PDE10A: variants seen among roughly 807,000 people sequenced by gnomAD.
PDE10A encodes phosphodiesterase 10A.
Under a neutral mutation model 97.7 loss-of-function variants are expected in PDE10A, and 39 were observed. That is an observed-to-expected ratio of 0.40 (90% CI 0.31 to 0.52). The LOEUF is 0.52. Ranked by LOEUF, PDE10A falls within the 20% of genes least tolerant of loss-of-function variation. PDE10A has a pLI of 0.56. For synonymous variants in PDE10A, 371 were observed against 376.8 expected (o/e 0.98, Z 0.18); for missense variants, 731 against 1,047.8 (o/e 0.70, Z 4.17).
intron 1 of PDE10A, among the ~76,000 whole-genome samples, chr6:165,791,056 C>T (rs531547558): frequency 1.8e-4 from 27 of 152,140 alleles, no homozygotes; most frequent in Non-Finnish European, 3.2e-4. Flanking sequence ...GCAATCCTCC[C>T]GCCTCAGCTT....
intron 1 of PDE10A, among the ~76,000 whole-genome samples, chr6:165,918,264 T>C (rs990921834): frequency 1.3e-4 from 20 of 152,218 alleles, no homozygotes; most frequent in African/African-American, 4.6e-4. Context: ...AATTTTCATA[T>C]GTGCCCTCCC....
chr6:165,904,380 A>T (rs760601197), intron 1 of PDE10A, among the ~76,000 whole-genome samples: 2 of 152,178 alleles, frequency 1.3e-5, no homozygotes, highest in African/African-American at 2.4e-5. Flanking sequence ...TCTATGATTG[A>T]TCTTATTTTT....
intron 1 of PDE10A, among the ~76,000 whole-genome samples, chr6:165,809,935 G>T (rs1003780884): frequency 1.3e-5 from 2 of 152,170 alleles, no homozygotes; most frequent in African/African-American, 4.8e-5. Context: ...ATCTTTCCTT[G>T]TATGATAAAT....
intron 13 of PDE10A, among the ~76,000 whole-genome samples, chr6:165,408,566 A>G (rs920475571): frequency 6.6e-6 from 1 of 152,182 alleles, no homozygotes; most frequent in African/African-American, 2.4e-5. Flanking sequence ...ACGCGATGCT[A>G]TCTTATTGAA....
In PDE10A at chr6:165,330,256, T is replaced by G. The variant is rs1452520060; in HGVS notation, c.*2769A>C. On this transcript the variant is annotated 3_prime_UTR_variant, in exon 22 of 22. Coordinates refer to ENST00000539869, the MANE Select transcript of PDE10A (RefSeq NM_001385079.1). ...GGCACAATACACAATACGACCTTAA[T>G]AGGAACTCATCAAAGCTGTTGTTAG... 3 of 152,152 alleles carry G rather than the reference T, an allele frequency of 2.0e-5. No homozygotes were observed. Among genetic ancestry groups the G allele is most frequent in the Admixed American group, 2.0e-4 (3 of 15,276 alleles). 9.4% of individuals were successfully genotyped at this position (152,152 alleles called of 1,614,324 possible). A position where few individuals can be genotyped will look rare whatever the true frequency, so the allele number is the denominator to read the frequency against.
intron 1 of PDE10A, among the ~76,000 whole-genome samples, chr6:165,960,858 G>A (rs1442905884): frequency 6.6e-6 from 1 of 152,184 alleles, no homozygotes; most frequent in Non-Finnish European, 1.5e-5. Context: ...CCAGAAGACA[G>A]ATGGGCAGGG....
At chr6:165,983,591 G>T (rs1018758711) in intron 1 of PDE10A, among the ~76,000 whole-genome samples, 2 of 152,092 alleles carry the variant, frequency 1.3e-5, no homozygotes, top group African/African-American at 4.8e-5. Context: ...ATTTCCAGTC[G>T]CCTTCATTTC....
intron 1 of PDE10A, among the ~76,000 whole-genome samples, chr6:165,700,579 T>C (rs1582953462): frequency 6.6e-6 from 1 of 152,308 alleles, no homozygotes; most frequent in East Asian, 1.9e-4. Context: ...GCAGGTAATG[T>C]TATATAAAAT....
upstream of PDE10A, chr6:165,987,976 CGTGTGTGTGT>C (rs149079607): frequency 8.2e-6 from 3 of 367,164 alleles, no homozygotes; most frequent in African/African-American, 6.4e-5. Flanking sequence ...TGTGTGCGTG[CGTGTGTGTGT>C]GTGTGTGTGT....
intron 1 of PDE10A, among the ~76,000 whole-genome samples, chr6:165,852,103 C>G (rs1391193096): frequency 6.6e-6 from 1 of 152,122 alleles, no homozygotes; most frequent in African/African-American, 2.4e-5. Flanking sequence ...CCCCCTTTCT[C>G]TTTTTTCTAC....
rs1303988578 is a variant in PDE10A, at chr6:165,819,549, A to G, written c.-615+167980T>C. 2.0e-5 allele frequency among the ~76,000 whole-genome samples: 3 copies of G among 151,924 alleles called. No homozygotes were observed. The highest frequency in any genetic ancestry group is 4.2e-4 in the South Asian group (2 of 4,790). On this transcript the variant is annotated intron_variant, in intron 1 of 19. Transcript: ENST00000366882. This position sits in a 1 kb window ranked among gnomAD's most constrained non-coding sequence, Gnocchi z 4.2. Reference sequence around the variant, plus strand: ...TCCGACCTCCGAAGAGTGGTCATTGATTTGTCCTTCAGGCCTCATCCACTG... The same window carrying G: ...TCCGACCTCCGAAGAGTGGTCATTGGTTTGTCCTTCAGGCCTCATCCACTG...
intron 1 of PDE10A, among the ~76,000 whole-genome samples, chr6:165,720,448 C>T (rs112223206): frequency 0.01 from 1,597 of 152,282 alleles, 30 homozygotes; most frequent in African/African-American, 0.037. Flanking sequence ...TTGCCTCTTA[C>T]ACAGCGTTCA....
At chr6:165,979,442 C>T (rs1236939381) in intron 1 of PDE10A, among the ~76,000 whole-genome samples, 1 of 152,214 alleles carries the variant, frequency 6.6e-6, no homozygotes, top group East Asian at 1.9e-4. Context: ...AATCTCATAG[C>T]AGATTTTATT....
At position 165,339,375 on chromosome 6, in the gene PDE10A, G is replaced by GA. The variant is rs1231679551; in HGVS notation, c.2896-18dup. The GA allele has an allele frequency of 1.4e-6, 2 of 1,426,606 alleles. No individual in the cohort carries two copies. The highest frequency in any genetic ancestry group is 1.4e-5 in the African/African-American group (1 of 71,276). 88.4% of individuals were successfully genotyped at this position (1,426,606 alleles called of 1,614,324 possible). On this transcript the variant is annotated splice_polypyrimidine_tract_variant and intron_variant, in intron 19 of 21. Transcript: ENST00000539869. ...TTCATCACCCTAAGATGAATGGGGA[G>GA]AAAATCATGCTTTCTCAAATTTCAA... is the stretch of plus-strand genomic sequence containing the variant.
chr6:165,409,081 C>T (rs1461322128), intron 13 of PDE10A, among the ~76,000 whole-genome samples: 1 of 142,926 alleles, frequency 7.0e-6, no homozygotes, highest in Non-Finnish European at 1.5e-5. Context: ...AGGAGAATGG[C>T]GTGAACCTGG....
chr6:165,613,736 G>A (rs980120403), intron 1 of PDE10A, among the ~76,000 whole-genome samples: 2 of 152,114 alleles, frequency 1.3e-5, no homozygotes, highest in African/African-American at 2.4e-5. Flanking sequence ...CTTCTGAATA[G>A]CAATATAAAA....
intron 2 of PDE10A, among the ~76,000 whole-genome samples, chr6:165,510,530 G>A (rs1282426122): frequency 6.6e-6 from 1 of 151,996 alleles, no homozygotes; most frequent in Non-Finnish European, 1.5e-5. Context: ...TTAGGTATGA[G>A]GGTAATGCTG....
intron 1 of PDE10A, among the ~76,000 whole-genome samples, chr6:165,587,516 C>A (rs116176648): frequency 1.4e-3 from 215 of 152,244 alleles, no homozygotes; most frequent in African/African-American, 5.0e-3. Context: ...TCATTTAATT[C>A]ATTGTTTCAT....
rs201633595 is a variant in PDE10A, at chr6:165,363,339, A to AC, written c.2783+15854dup. On this transcript the variant is annotated intron_variant, in intron 18 of 21. Coordinates refer to ENST00000539869, the MANE Select transcript of PDE10A (RefSeq NM_001385079.1). Reference sequence around the variant, plus strand: ...AGACCAGCCTGGTCAAGATGGTGAAACCCCGTCTCTACTAAAAATACAAAA... The same window carrying AC: ...AGACCAGCCTGGTCAAGATGGTGAAACCCCCGTCTCTACTAAAAATACAAAA... Among the ~76,000 whole-genome samples, 1,234 of 151,182 alleles carry AC rather than the reference A, an allele frequency of 8.2e-3. 3 individuals carry two copies. Among genetic ancestry groups the AC allele is most frequent in the Non-Finnish European group, 0.013 (898 of 67,478 alleles).
Sources: allele counts gnomAD v4.1 joint callset (sites outside exome capture counted in the v4.1 genomes callset), GRCh38; gene constraint gnomAD v4.1.1; non-coding constraint Gnocchi (gnomAD v3.1); transcripts MANE v1.5; gene names NCBI Gene and HGNC (gene_info 2026-07-23, HGNC 2026-07-21).